Variants in BIRC6 observed in about 807,000 individuals in gnomAD.
BIRC6 encodes baculoviral IAP repeat containing 6.
A neutral mutation model predicts 503.3 loss-of-function variants in BIRC6; 98 were observed. The ratio of observed to expected loss-of-function variants is 0.19; its 90% CI spans 0.17 to 0.23. BIRC6 has a LOEUF of 0.23. BIRC6 is among the 10% of genes least tolerant of loss of function. The pLI is 1.00. For missense variants in BIRC6, 5,360 were observed against 5,806.0 expected, an observed-to-expected ratio of 0.92 and a Z score of 2.50; for synonymous variants, 2,240 against 2,078.7, an observed-to-expected ratio of 1.08 and a Z score of -2.11.
chr2:32,456,964 T>C (rs1028465780), intron 23 of BIRC6, among the ~76,000 whole-genome samples: 1 of 152,166 alleles, frequency 6.6e-6, no homozygotes, highest in Non-Finnish European at 1.5e-5. Flanking sequence ...GGGGTCTTGC[T>C]ATGTTGCCCA....
chr2:32,454,179 T>G (rs1574325106), intron 23 of BIRC6, among the ~76,000 whole-genome samples: 1 of 152,302 alleles, frequency 6.6e-6, no homozygotes, highest in South Asian at 2.1e-4. Flanking sequence ...ATCATTCTGT[T>G]TTTATGTGTA....
At chr2:32,530,174 A>G (rs188857070) in intron 60 of BIRC6, among the ~76,000 whole-genome samples, 1 of 152,288 alleles carries the variant, frequency 6.6e-6, no homozygotes, top group East Asian at 1.9e-4. Flanking sequence ...GTTTTCTCAT[A>G]TAATTGGGAT....
At chr2:32,489,561 C>A (rs977437440) in intron 42 of BIRC6, among the ~76,000 whole-genome samples, 2 of 151,890 alleles carry the variant, frequency 1.3e-5, no homozygotes, top group Non-Finnish European at 2.9e-5. Flanking sequence ...CCTGTAAAAC[C>A]AGCACTTTGA....
At chr2:32,397,928 G>A (rs1399831034) in intron 6 of BIRC6, among the ~76,000 whole-genome samples, 2 of 151,946 alleles carry the variant, frequency 1.3e-5, no homozygotes, top group African/African-American at 4.8e-5. Context: ...CCTCTTCTTT[G>A]CACCAGCATT....
At position 32,434,693 on chromosome 2, in the gene BIRC6, T is replaced by A. The variant is rs541964289; in HGVS notation, c.3410-803T>A. Among the ~76,000 whole-genome samples, 22 of 151,872 alleles carry A rather than the reference T, an allele frequency of 1.4e-4. No individual in the cohort carries two copies. In the South Asian group the frequency reaches 1.7e-3, roughly 12 times the overall value. ...CAAGCACATGTCTACAAAATTTTTT[T>A]AAAAAAATTAGCTGGGTGTAGTGGT... On this transcript the variant is annotated intron_variant, in intron 13 of 73. Coordinates refer to ENST00000421745, the MANE Select transcript of BIRC6 (RefSeq NM_016252.4).
chr2:32,562,359 C>T (rs1192007880), intron 65 of BIRC6, among the ~76,000 whole-genome samples: 1 of 152,122 alleles, frequency 6.6e-6, no homozygotes, highest in Non-Finnish European at 1.5e-5. Context: ...GTACAGAGTT[C>T]CCATATATGC....
At chr2:32,536,174 T>G (rs1183024679) in intron 61 of BIRC6, among the ~76,000 whole-genome samples, 1 of 152,188 alleles carries the variant, frequency 6.6e-6, no homozygotes, top group Non-Finnish European at 1.5e-5. Context: ...TCTTGTAAAT[T>G]TGTTTGAGTT....
chr2:32,499,401 T>G lies in BIRC6; in HGVS notation c.8469-146T>G, dbSNP rs2052879893. The G allele has an allele frequency of 2.0e-5, 14 of 698,824 alleles. 1 individual carries two copies. The South Asian group carries it at 2.9e-4, about 14-fold the overall frequency. 43.3% of individuals were successfully genotyped at this position (698,824 alleles called of 1,614,324 possible). On this transcript the variant is annotated intron_variant, in intron 45 of 73. Coordinates refer to ENST00000421745, the MANE Select transcript of BIRC6 (RefSeq NM_016252.4). ...AACTATTAGCTACCTAATGAAATAG[T>G]GAATATCAAGAATTTGTTTAACTTT...
At chr2:32,383,658 A>C (rs2038020347) in intron 3 of BIRC6, among the ~76,000 whole-genome samples, 1 of 152,010 alleles carries the variant, frequency 6.6e-6, no homozygotes, top group African/African-American at 2.4e-5. Flanking sequence ...CAGTCTCCCC[A>C]GTAGCTGGGA....
rs75547757 is a variant in BIRC6, at chr2:32,595,991, G to A, written c.13612+847G>A. Reference sequence around the variant, plus strand: ...CACTCTAAGTAATAATATTAACTTGGTTTTTAAATAATAAATATTTTATTG... The same window carrying A: ...CACTCTAAGTAATAATATTAACTTGATTTTTAAATAATAAATATTTTATTG... On this transcript the variant is annotated intron_variant, in intron 68 of 73. Transcript: ENST00000421745. Among the ~76,000 whole-genome samples the A allele has an allele frequency of 9.5e-3, 1,439 of 152,092 alleles. 20 individuals are homozygous for A. The highest frequency in any genetic ancestry group is 0.014 in the Admixed American group (217 of 15,276).
At chr2:32,423,683 A>G (rs529281916) in intron 10 of BIRC6, among the ~76,000 whole-genome samples, 17 of 152,018 alleles carry the variant, frequency 1.1e-4, no homozygotes, top group East Asian at 5.8e-4. Flanking sequence ...CACCCCCCCA[A>G]TCCCTGCCCC....
At chr2:32,578,613 T>C (rs1230538726) in intron 66 of BIRC6, among the ~76,000 whole-genome samples, 3 of 151,934 alleles carry the variant, frequency 2.0e-5, no homozygotes, top group African/African-American at 7.3e-5. Context: ...CTGTCCAACA[T>C]AGCAAAACCC....
chr2:32,445,303 G>C (rs2045840289), intron 20 of BIRC6, among the ~76,000 whole-genome samples: 1 of 152,134 alleles, frequency 6.6e-6, no homozygotes, highest in South Asian at 2.1e-4. Flanking sequence ...GAAATTCTTA[G>C]TGTAAGACTG....
At chr2:32,600,003 T>G in intron 70 of BIRC6, 103 bp downstream of exon 70, 1 of 1,081,962 alleles carries the variant, frequency 9.2e-7, no homozygotes, top group Non-Finnish European at 1.3e-6. Flanking sequence ...TAAGAGGGCA[T>G]GGGTTTCTTT....
At position 32,515,593 on chromosome 2, in the gene BIRC6, C is replaced by CACT. The variant is rs762622711; in HGVS notation, c.11173_11175dup (p.Thr3725dup). The CACT allele has an allele frequency of 3.1e-6, 5 of 1,613,794 alleles. No individual in the cohort carries two copies. Among genetic ancestry groups the CACT allele is most frequent in the Non-Finnish European group, 3.4e-6 (4 of 1,179,852 alleles). On this transcript the variant is annotated inframe_insertion, in exon 55 of 74. Transcript: ENST00000421745. ...TGTTTTTATTGTGTCACTCTGGGTC[C>CACT]ACTTCTGGAAGCCATAATTTAGGTG...
intron 21 of BIRC6, among the ~76,000 whole-genome samples, chr2:32,447,483 TCCCCCCACCTCCCTC>T (rs2046162534): frequency 1.4e-5 from 1 of 71,144 alleles, no homozygotes; most frequent in Admixed American, 1.6e-4. Flanking sequence ...GGGGGGCTGA[TCCCCCCACCTCCCTC>T]CCGGACGGGG....
In BIRC6 at chr2:32,429,191, T is replaced by C. The variant is rs1022968248; in HGVS notation, c.2918T>C (p.Ile973Thr). Residue 973 changes from isoleucine to threonine, a missense_variant, in exon 11 of 74, where the codon ATT becomes ACT. This residue lies in a region of BIRC6 where 700 missense variants were observed against 739.3 expected (regional missense o/e 0.95). Transcript: ENST00000421745. ...CAAATTGGAGGAACCTGTGATGATATTGATGAAGCTGATATACTAGTGGAT... is the reference window on the plus strand; with the variant it reads ...CAAATTGGAGGAACCTGTGATGATACTGATGAAGCTGATATACTAGTGGAT... ...FLQIGGTCDD[I>T]DEADILVDGS... 5 of 1,589,486 alleles carry C rather than the reference T, an allele frequency of 3.1e-6. No homozygotes were observed. The highest frequency in any genetic ancestry group is 1.8e-5 in the Admixed American group (1 of 56,540).
intron 16 of BIRC6, among the ~76,000 whole-genome samples, chr2:32,440,123 C>T (rs2045247144): frequency 6.6e-6 from 1 of 152,182 alleles, no homozygotes; most frequent in Non-Finnish European, 1.5e-5. Context: ...GGTGATCTGC[C>T]CACCTTGGCC....
intron 23 of BIRC6, among the ~76,000 whole-genome samples, chr2:32,459,825 G>T (rs900668051): frequency 4.0e-5 from 6 of 150,652 alleles, no homozygotes; most frequent in Non-Finnish European, 7.4e-5. Flanking sequence ...TTGTTATGTT[G>T]TTATAAGCGA....
Sources: allele counts gnomAD v4.1 joint callset (sites outside exome capture counted in the v4.1 genomes callset), GRCh38; gene constraint gnomAD v4.1.1; regional missense constraint gnomAD v4.1.1; transcripts MANE v1.5; gene names NCBI Gene and HGNC (gene_info 2026-07-23, HGNC 2026-07-21).